USP15: variants seen among roughly 807,000 people sequenced by gnomAD.
USP15 encodes the protein ubiquitin carboxyl-terminal hydrolase 15.
Under a neutral mutation model 127.1 loss-of-function variants are expected in USP15, and 18 were observed. The observed-to-expected ratio is 0.14, with a 90% CI of 0.10 to 0.21. The LOEUF (loss-of-function observed/expected upper bound fraction) is 0.21, where lower values mean the gene tolerates loss of function less well. Among genes scored for constraint, USP15 ranks in the 10% least tolerant of loss-of-function variants. The pLI, the probability that USP15 is intolerant of heterozygous loss-of-function variation, is 1.00. For synonymous variants in USP15, 364 were observed against 393.7 expected (o/e 0.92, Z 0.89); for missense variants, 805 against 1,159.9 (o/e 0.69, Z 4.44).
At chr12:62,276,415 A>G (rs922484480) in intron 1 of USP15, among the ~76,000 whole-genome samples, 2 of 152,180 alleles carry the variant, frequency 1.3e-5, no homozygotes, top group Non-Finnish European at 2.9e-5. Flanking sequence ...TGTAGTTAGT[A>G]TAATATTTGG....
chr12:62,370,633 C>T (rs1053253002), intron 8 of USP15, among the ~76,000 whole-genome samples: 14 of 152,132 alleles, frequency 9.2e-5, no homozygotes, highest in African/African-American at 3.4e-4. Context: ...TGATACCACC[C>T]TATAGAAATT....
intron 6 of USP15, among the ~76,000 whole-genome samples, chr12:62,331,854 C>T (rs2065313789): frequency 1.3e-5 from 2 of 152,124 alleles, no homozygotes; most frequent in African/African-American, 2.4e-5. Context: ...TAAGAACCTA[C>T]CCAAAAAATA....
At chr12:62,275,395 C>A (rs1437154676) in intron 1 of USP15, among the ~76,000 whole-genome samples, 1 of 151,082 alleles carries the variant, frequency 6.6e-6, no homozygotes, top group African/African-American at 2.4e-5. Flanking sequence ...AGTATCACCC[C>A]CCCACCCAAA....
At position 62,406,992 on chromosome 12, in the gene USP15, T is replaced by TA. The variant is rs1460359155; in HGVS notation, c.*2618dup. 1.3e-5 allele frequency: 2 copies of TA among 152,044 alleles called. No homozygotes were observed. Among genetic ancestry groups the TA allele is most frequent in the South Asian group, 4.1e-4 (2 of 4,822 alleles). 9.4% of individuals were successfully genotyped at this position (152,044 alleles called of 1,614,324 possible). On this transcript the variant is annotated 3_prime_UTR_variant, in exon 22 of 22. Transcript: ENST00000280377. ...AAAAAAAAAAGATATTCATAGGTAA[T>TA]ACAGGGTAATGGGAATATATCTAGA... is the stretch of plus-strand genomic sequence containing the variant.
intron 8 of USP15, among the ~76,000 whole-genome samples, chr12:62,371,854 G>T (rs550862426): frequency 5.9e-5 from 9 of 152,196 alleles, no homozygotes; most frequent in East Asian, 5.8e-4. Context: ...TAGCTCGAGC[G>T]GAAATATTTG....
chr12:62,267,762 C>G (rs2063232673), intron 1 of USP15, among the ~76,000 whole-genome samples: 1 of 152,010 alleles, frequency 6.6e-6, no homozygotes, highest in Non-Finnish European at 1.5e-5. Flanking sequence ...CCAGGGTATT[C>G]TAAGTTTAGA....
intron 8 of USP15, among the ~76,000 whole-genome samples, chr12:62,368,793 G>T (rs1465944561): frequency 1.3e-5 from 2 of 152,048 alleles, no homozygotes; most frequent in Admixed American, 1.3e-4. Flanking sequence ...GAGGCATTTA[G>T]CCCATTTACA....
chr12:62,281,475 T>A (rs2063648187), intron 1 of USP15, among the ~76,000 whole-genome samples: 1 of 152,164 alleles, frequency 6.6e-6, no homozygotes. Context: ...TAGCTGGGGT[T>A]ACAAAAGTAT....
intron 3 of USP15, chr12:62,304,558 C>T (rs1298880990): frequency 3.6e-6 from 1 of 281,666 alleles, no homozygotes; most frequent in Non-Finnish European, 7.2e-6. Context: ...TTCAATGTTA[C>T]CCATCTCTGA....
chr12:62,391,425 A>G lies in USP15; in HGVS notation c.2229A>G (p.Leu743=). ...HIRFDDRQLR[L]DERSFLALDW... The stretch of plus-strand genomic sequence containing the variant: ...GATTTGATGATAGGCAGCTTAGGCT[A>G]GATGGTAAGTATTTGTGAAAAATGG... The change falls in exon 16 of 22, where the codon CTA becomes CTG. Residue 743 remains leucine (L), a synonymous_variant. Transcript: ENST00000280377. 1.2e-6 allele frequency: 2 copies of G among 1,602,416 alleles called. No homozygotes were observed. Among genetic ancestry groups the G allele is most frequent in the Non-Finnish European group, 1.7e-6 (2 of 1,176,416 alleles).
At chr12:62,382,528 C>T (rs538921760) in intron 9 of USP15, among the ~76,000 whole-genome samples, 6 of 152,038 alleles carry the variant, frequency 3.9e-5, no homozygotes, top group Middle Eastern at 3.4e-3. Flanking sequence ...ACAAACTAGT[C>T]CAGACAAACC....
chr12:62,317,846 A>C (rs2064875220), intron 4 of USP15, among the ~76,000 whole-genome samples: 1 of 152,174 alleles, frequency 6.6e-6, no homozygotes. Flanking sequence ...TCTGCCTTCA[A>C]ATGTTTTCTG....
At chr12:62,319,637 C>T (rs947765356) in intron 4 of USP15, among the ~76,000 whole-genome samples, 4 of 152,156 alleles carry the variant, frequency 2.6e-5, no homozygotes, top group Non-Finnish European at 4.4e-5. Flanking sequence ...CACCTCAAGG[C>T]TTTTGCGTTA....
In USP15 at chr12:62,396,307, G is replaced by A. The variant is rs778470390; in HGVS notation, c.2583G>A (p.Met861Ile). 5.1e-6 allele frequency: 8 copies of A among 1,583,632 alleles called. No individual in the cohort carries two copies. The highest frequency in any genetic ancestry group is 1.4e-5 in the African/African-American group (1 of 73,082). Residue 861 changes from methionine (M) to isoleucine (I), a missense_variant, in exon 20 of 22, where the codon ATG becomes ATA. Physicochemically the swap from Met to Ile is conservative, Grantham distance 10. This residue lies in a region of USP15 where 116 missense variants were observed against 157.2 expected (regional missense o/e 0.74). Coordinates refer to ENST00000280377, the MANE Select transcript of USP15 (RefSeq NM_001252078.2). ...CTTTTTTAAACAGTGACTTGGATAT[G>A]TCGGAATTCTTAATTAATCCAAATG... ...LVDFPINDLD[M>I]SEFLINPNAG...
intron 1 of USP15, among the ~76,000 whole-genome samples, chr12:62,264,342 A>T (rs1469969835): frequency 6.6e-6 from 1 of 152,164 alleles, no homozygotes; most frequent in Non-Finnish European, 1.5e-5. Flanking sequence ...CATAACCACA[A>T]ATCATCCAAA....
intron 6 of USP15, chr12:62,335,998 A>G (rs950040573): frequency 7.1e-6 from 7 of 984,816 alleles, no homozygotes; most frequent in African/African-American, 5.2e-5. Context: ...GCACAGCTCT[A>G]GGAGGCATCA....
chr12:62,349,659 AGT>A (rs1486799563), intron 7 of USP15, among the ~76,000 whole-genome samples: 29 of 152,220 alleles, frequency 1.9e-4, no homozygotes, highest in Non-Finnish European at 5.9e-5. Context: ...ATTTTTAAAA[AGT>A]GTGTATCAGT....
chr12:62,319,446 T>C (rs1317899654), intron 4 of USP15, among the ~76,000 whole-genome samples: 1 of 152,182 alleles, frequency 6.6e-6, no homozygotes, highest in African/African-American at 2.4e-5. Context: ...TCATGCCACT[T>C]CTCTTCCCAA....
At chr12:62,328,372 A>C (rs1004249137) in intron 6 of USP15, 5 of 429,510 alleles carry the variant, frequency 1.2e-5, no homozygotes, top group Non-Finnish European at 1.9e-5. Context: ...ATGTCAAGAC[A>C]TGGCAATGCC....
Sources: allele counts gnomAD v4.1 joint callset (sites outside exome capture counted in the v4.1 genomes callset), GRCh38; gene constraint gnomAD v4.1.1; regional missense constraint gnomAD v4.1.1; transcripts MANE v1.5; gene names NCBI Gene and HGNC (gene_info 2026-07-23, HGNC 2026-07-21).